The following IARS1 variants were observed in gnomAD, a reference collection of about 807,000 sequenced individuals.
IARS1 encodes the protein isoleucyl-tRNA synthetase 1.
IARS1 carries 124 observed loss-of-function variants against 168.2 expected under a neutral mutation model. The observed-to-expected ratio is 0.74, with a 90% confidence interval of 0.64 to 0.86. IARS1 has a LOEUF of 0.86. Among genes scored for constraint, IARS1 ranks in the 40% least tolerant of loss-of-function variants. The pLI is 0.00. For synonymous variants in IARS1, 532 were observed against 529.4 expected, an observed-to-expected ratio of 1.00 and a Z score of -0.07; for missense variants, 1,452 against 1,515.8, an observed-to-expected ratio of 0.96 and a Z score of 0.70.
chr9:92,223,272 A>G, intron 32 of IARS1, 74 bp downstream of exon 32: 1 of 1,366,642 alleles, frequency 7.3e-7, no homozygotes, highest in Non-Finnish European at 9.9e-7. Flanking sequence ...CTAGAAATAC[A>G]CACATATTTG....
chr9:92,259,102 T>C, intron 18 of IARS1, 104 bp from the exon 19 acceptor site: 3 of 1,000,418 alleles, frequency 3.0e-6, no homozygotes, highest in Non-Finnish European at 4.3e-6. Flanking sequence ...TCCTATTTTC[T>C]ACAAAAGGGG....
chr9:92,253,725 AG>A (rs1830335812), intron 20 of IARS1: 1 of 514,696 alleles, frequency 1.9e-6, no homozygotes, highest in East Asian at 4.4e-5. Context: ...CAAAAACTCC[AG>A]TATGTGTGGA....
intron 21 of IARS1, 43 bp from the exon 22 acceptor site, chr9:92,251,928 A>C: frequency 1.5e-6 from 2 of 1,326,406 alleles, no homozygotes; most frequent in Non-Finnish European, 2.2e-6. Flanking sequence ...CTGTTAAATA[A>C]GTGTTTATCA....
At chr9:92,215,770 T>C (rs911721747) in intron 33 of IARS1, among the ~76,000 whole-genome samples, 5 of 151,706 alleles carry the variant, frequency 3.3e-5, no homozygotes, top group African/African-American at 9.7e-5. Flanking sequence ...TATGGGACTA[T>C]GTGAAAAGAC....
chr9:92,241,398 T>C (rs1303945624), intron 29 of IARS1, among the ~76,000 whole-genome samples: 1 of 152,098 alleles, frequency 6.6e-6, no homozygotes, highest in Non-Finnish European at 1.5e-5. Flanking sequence ...CAGGATCGAG[T>C]GCAGTGATGC....
chr9:92,246,219 TTTA>T (rs1829180455), intron 26 of IARS1, among the ~76,000 whole-genome samples: 1 of 152,222 alleles, frequency 6.6e-6, no homozygotes, highest in Non-Finnish European at 1.5e-5. Flanking sequence ...TGTCTTATGT[TTTA>T]TTAATTCTAT....
Position 92,285,852 on chromosome 9 carries a change from G to A in IARS1, c.480-13C>T, listed in dbSNP as rs770319724. 2.2e-5 allele frequency: 31 copies of A among 1,414,826 alleles called. No individual in the cohort carries two copies. Among genetic ancestry groups the A allele is most frequent in the Non-Finnish European group, 2.9e-5 (29 of 1,004,620 alleles). 87.6% of individuals were successfully genotyped at this position (1,414,826 alleles called of 1,614,324 possible). A position where few individuals can be genotyped will look rare whatever the true frequency, so the allele number is the denominator to read the frequency against. On this transcript the variant is annotated splice_polypyrimidine_tract_variant and intron_variant, in intron 5 of 33. Transcript: ENST00000443024. ...TTTGAAGACCCACCTGGTAAGAGAT[G>A]GAGTTTCACAATTACAGAACAAAAT... is the stretch of plus-strand genomic sequence containing the variant.
At chr9:92,217,610 G>T (rs1838942832) in intron 33 of IARS1, among the ~76,000 whole-genome samples, 1 of 151,476 alleles carries the variant, frequency 6.6e-6, no homozygotes, top group Admixed American at 6.6e-5. Context: ...CGATCCCACA[G>T]AAATACAAAC....
chr9:92,217,020 G>GA (rs1838820215), intron 33 of IARS1, among the ~76,000 whole-genome samples: 2 of 149,062 alleles, frequency 1.3e-5, no homozygotes, highest in Admixed American at 1.3e-4. Context: ...CACATACTTG[G>GA]AAGTAAAGCT....
intron 25 of IARS1, among the ~76,000 whole-genome samples, chr9:92,248,494 A>G (rs4744126): frequency 0.58 from 87,939 of 150,970 alleles, 28,110 homozygotes; most frequent in African/African-American, 0.86. Flanking sequence ...GCAACATGGC[A>G]AAACCCCATC....
In IARS1 at chr9:92,288,745, T is replaced by G. The variant is rs1587906610; in HGVS notation, c.120-463A>C. On this transcript the variant is annotated intron_variant, in intron 2 of 33. Transcript: ENST00000443024. Reference sequence around the variant, plus strand: ...ACGAGGGTGGTGATGAAAATAAAGGTGGAAAGAGGGTGACACGGAGGATGA... The same window carrying G: ...ACGAGGGTGGTGATGAAAATAAAGGGGGAAAGAGGGTGACACGGAGGATGA... 2.6e-5 allele frequency among the ~76,000 whole-genome samples: 4 copies of G among 151,836 alleles called. No homozygotes were observed. The South Asian group carries it at 8.3e-4, about 32-fold the overall frequency.
chr9:92,261,260 G>T (rs982207614), intron 17 of IARS1, among the ~76,000 whole-genome samples: 1 of 151,794 alleles, frequency 6.6e-6, no homozygotes, highest in Non-Finnish European at 1.5e-5. Context: ...AGTGAGCCGA[G>T]ATCACGCCAC....
chr9:92,272,267 C>G (rs1833153606), intron 10 of IARS1, among the ~76,000 whole-genome samples: 1 of 152,224 alleles, frequency 6.6e-6, no homozygotes, highest in African/African-American at 2.4e-5. Flanking sequence ...CCAAGACAAG[C>G]TGGAAAGCTG....
rs185630941 is a variant in IARS1, at chr9:92,258,210, T to C, written c.2016+644A>G. Among the ~76,000 whole-genome samples the C allele has an allele frequency of 3.2e-3, 490 of 152,326 alleles. 13 individuals carry two copies. Among genetic ancestry groups the C allele is most frequent in the Admixed American group, 0.029 (451 of 15,306 alleles). ...ACTGGGTGCTCTCTCTAAAAGTTGCTGACTCTTTACTGTATCTCCCAATTC... is the reference window on the plus strand; with the variant it reads ...ACTGGGTGCTCTCTCTAAAAGTTGCCGACTCTTTACTGTATCTCCCAATTC... On this transcript the variant is annotated intron_variant, in intron 19 of 33. Transcript: ENST00000443024.
intron 33 of IARS1, among the ~76,000 whole-genome samples, chr9:92,214,280 G>A (rs542403832): frequency 2.0e-5 from 3 of 151,948 alleles, no homozygotes; most frequent in Non-Finnish European, 4.4e-5. Context: ...AATGGTCTGG[G>A]TGTGGTGGCT....
In IARS1 at chr9:92,263,034, C is replaced by T. The variant is rs756120625; in HGVS notation, c.1722G>A (p.Leu574=). 5 of 1,613,852 alleles carry T rather than the reference C, an allele frequency of 3.1e-6. No homozygotes were observed. In the East Asian group the frequency reaches 6.7e-5, roughly 22 times the overall value. ...TRGWFYTLLV[L]ATALFGQPPF... is the part of the protein sequence containing the mutation. Reference sequence around the variant, plus strand: ...GCGGTTGTCCAAAGAGGGCCGTGGCCAGCACCAGCAGGGTATAAAACCTGA... The same window carrying T: ...GCGGTTGTCCAAAGAGGGCCGTGGCTAGCACCAGCAGGGTATAAAACCTGA... Residue 574 remains leucine (L), a synonymous_variant, in exon 17 of 34, where the codon CTG becomes CTA. Coordinates refer to ENST00000443024, the MANE Select transcript of IARS1 (RefSeq NM_002161.6).
chr9:92,274,825 A>G (rs752071590), intron 9 of IARS1, among the ~76,000 whole-genome samples: 4 of 152,134 alleles, frequency 2.6e-5, no homozygotes, highest in Non-Finnish European at 2.9e-5. Flanking sequence ...TTTTGTCCCT[A>G]TGCAGTTTAG....
intron 17 of IARS1, among the ~76,000 whole-genome samples, chr9:92,261,759 T>C (rs1040929734): frequency 2.0e-5 from 3 of 149,100 alleles, no homozygotes; most frequent in African/African-American, 7.4e-5. Context: ...ATTTCCCCCT[T>C]TTTTTTTTTG....
chr9:92,223,362 C>T lies in IARS1; in HGVS notation c.3537G>A (p.Leu1179=). The T allele has an allele frequency of 6.2e-7, 1 of 1,612,480 alleles. No individual in the cohort carries two copies. The highest frequency in any genetic ancestry group is 8.5e-7 in the Non-Finnish European group (1 of 1,178,976). ...LLCQYINLQL[L]NAKPQECLMG... ...GGCACATACCTTGTGGCTTTGCATT[C>T]AGGAGCTGTAGGTTGATATACTGAC... The change falls in exon 32 of 34, where the codon CTG becomes CTA. Residue 1179 remains leucine (L), a synonymous_variant. Coordinates refer to ENST00000443024, the MANE Select transcript of IARS1 (RefSeq NM_002161.6).
Sources: gnomAD v4.1 joint callset for allele counts (sites outside exome capture counted in the v4.1 genomes callset) on GRCh38, gnomAD v4.1.1 for gene constraint, MANE v1.5 for transcripts, NCBI Gene and HGNC (gene_info 2026-07-23, HGNC 2026-07-21) for gene names.